Variants in APP observed in about 807,000 individuals in gnomAD.
APP encodes amyloid beta precursor protein, also known as amyloid-beta precursor protein.
Under a neutral mutation model 101.4 loss-of-function variants are expected in APP, and 31 were observed. The observed-to-expected ratio is 0.31, with a 90% confidence interval of 0.23 to 0.41. The LOEUF (loss-of-function observed/expected upper bound fraction) is 0.41, where lower values mean the gene tolerates loss of function less well. APP is among the 10% of genes least tolerant of loss of function. The probability of loss-of-function intolerance (pLI) is 1.00; values close to 1 mark genes in which losing one functional copy is unlikely to be tolerated. For synonymous variants in APP, 366 were observed against 364.4 expected (o/e 1.00, Z -0.05); for missense variants, 839 against 1,003.7 (o/e 0.84, Z 2.22).
At chr21:26,023,529 C>T (rs549366763) in intron 5 of APP, among the ~76,000 whole-genome samples, 24 of 148,686 alleles carry the variant, frequency 1.6e-4, no homozygotes, top group African/African-American at 5.5e-4. Flanking sequence ...GACAAAGACA[C>T]TGCCTCCTTA....
At chr21:26,169,453 G>C (rs1010725473) in intron 1 of APP, 11 of 152,546 alleles carry the variant, frequency 7.2e-5, no homozygotes, top group African/African-American at 2.7e-4. Context: ...CGCCTCCTTG[G>C]ATGCACAGGA....
At chr21:25,925,225 A>G (rs2039835905) in intron 13 of APP, among the ~76,000 whole-genome samples, 1 of 136,750 alleles carries the variant, frequency 7.3e-6, no homozygotes, top group African/African-American at 2.7e-5. Context: ...TATGAGAAAC[A>G]GATTTAATTT....
chr21:26,058,823 T>A (rs748359854), intron 3 of APP, among the ~76,000 whole-genome samples: 1 of 152,216 alleles, frequency 6.6e-6, no homozygotes, highest in Non-Finnish European at 1.5e-5. Context: ...GGCTCACGCC[T>A]GTAATCCCAG....
At chr21:26,009,368 G>A (rs1352212075) in intron 6 of APP, among the ~76,000 whole-genome samples, 2 of 152,068 alleles carry the variant, frequency 1.3e-5, no homozygotes, top group Non-Finnish European at 2.9e-5. Context: ...CATTAAAACA[G>A]CTTCGATACC....
chr21:25,997,456 A>G, intron 7 of APP, 40 bp from the exon 8 acceptor site: 1 of 1,543,878 alleles, frequency 6.5e-7, no homozygotes, highest in South Asian at 1.1e-5. Context: ...AAACAAAAAG[A>G]GAAACATGGG....
At chr21:26,123,127 G>C (rs1306636338) in intron 1 of APP, among the ~76,000 whole-genome samples, 2 of 152,136 alleles carry the variant, frequency 1.3e-5, no homozygotes, top group African/African-American at 4.8e-5. Flanking sequence ...CAGAAATATT[G>C]CAGGAACAGA....
At chr21:25,912,020 G>C (rs1340479381) in intron 13 of APP, 58 bp from the exon 14 acceptor site, 44 of 1,350,730 alleles carry the variant, frequency 3.3e-5, no homozygotes, top group Non-Finnish European at 3.7e-5. Flanking sequence ...AGCAGCAGCA[G>C]CAGCAGCCAC....
At chr21:26,055,680 G>C (rs1290196522) in intron 3 of APP, among the ~76,000 whole-genome samples, 1 of 152,172 alleles carries the variant, frequency 6.6e-6, no homozygotes, top group Non-Finnish European at 1.5e-5. Context: ...GCTCTGCTCA[G>C]TCATATTTGC....
intron 6 of APP, among the ~76,000 whole-genome samples, chr21:26,016,732 T>C (rs1342972035): frequency 6.6e-6 from 1 of 152,152 alleles, no homozygotes; most frequent in African/African-American, 2.4e-5. Flanking sequence ...CCACCACACC[T>C]GGCTAATTTT....
At chr21:25,895,319 C>T (rs894028298) in intron 16 of APP, among the ~76,000 whole-genome samples, 1 of 151,974 alleles carries the variant, frequency 6.6e-6, no homozygotes, top group South Asian at 2.1e-4. Flanking sequence ...GCACATGCCA[C>T]CATATGCAGC....
chr21:25,951,364 G>A (rs1168448694), intron 13 of APP, among the ~76,000 whole-genome samples: 2 of 152,168 alleles, frequency 1.3e-5, no homozygotes, highest in East Asian at 1.9e-4. Flanking sequence ...TCCCCAGACT[G>A]GTGAAAACCT....
At chr21:25,885,870 C>A (rs537820209) in intron 17 of APP, among the ~76,000 whole-genome samples, 9 of 152,304 alleles carry the variant, frequency 5.9e-5, no homozygotes, top group Non-Finnish European at 8.8e-5. Context: ...AGCTATCCGC[C>A]TGCAGGGACA....
chr21:26,168,399 T>C (rs2063663642), intron 1 of APP, among the ~76,000 whole-genome samples: 1 of 152,202 alleles, frequency 6.6e-6, no homozygotes, highest in Non-Finnish European at 1.5e-5. Context: ...CCTACCCTTC[T>C]ACCAACACTT....
At chr21:26,160,756 T>A (rs2063472999) in intron 1 of APP, among the ~76,000 whole-genome samples, 1 of 152,224 alleles carries the variant, frequency 6.6e-6, no homozygotes, top group South Asian at 2.1e-4. Context: ...CTCTACTAAC[T>A]TCTTCACACA....
intron 1 of APP, chr21:26,140,526 G>A (rs2063021444): frequency 5.2e-6 from 2 of 384,706 alleles, no homozygotes; most frequent in Admixed American, 4.6e-5. Context: ...AGTGTCAGGG[G>A]CTGTGGAGAA....
chr21:25,984,825 G>C (rs569499600), intron 8 of APP, among the ~76,000 whole-genome samples: 5 of 151,294 alleles, frequency 3.3e-5, no homozygotes, highest in South Asian at 4.1e-4. Context: ...GACATGTTTA[G>C]GCAAACCATA....
intron 17 of APP, among the ~76,000 whole-genome samples, chr21:25,887,972 T>TTG (rs1166650184): frequency 1.3e-5 from 2 of 152,142 alleles, no homozygotes; most frequent in Non-Finnish European, 2.9e-5. Flanking sequence ...CAGGAGTTTT[T>TTG]TTCCTAGGGT....
In APP at chr21:26,085,896, A is replaced by G. The variant is rs548236347; in HGVS notation, c.355+4047T>C. ...GATTTCTGGTCATTACTACTTACAC[A>G]TTTGGAAGGTCTTAATTACAAAATG... On this transcript the variant is annotated intron_variant, in intron 3 of 17. Transcript: ENST00000346798. Among the ~76,000 whole-genome samples the G allele has an allele frequency of 2.0e-5, 3 of 152,348 alleles. No homozygotes were observed. In the South Asian group the frequency reaches 6.2e-4, roughly 32 times the overall value.
chr21:26,053,563 C>A, intron 3 of APP: 1 of 460,572 alleles, frequency 2.2e-6, no homozygotes, highest in South Asian at 2.6e-5. Flanking sequence ...TAAAATAATG[C>A]CTAAATGCTG....
Sources: allele counts gnomAD v4.1 joint callset (sites outside exome capture counted in the v4.1 genomes callset), GRCh38; gene constraint gnomAD v4.1.1; transcripts MANE v1.5; gene names NCBI Gene and HGNC (gene_info 2026-07-23, HGNC 2026-07-21).